The following PRMT7 variants were observed in gnomAD, a reference collection of about 807,000 sequenced individuals.
PRMT7 encodes protein arginine methyltransferase 7.
A neutral mutation model predicts 85.4 loss-of-function variants in PRMT7; 75 were observed. The ratio of observed to expected loss-of-function variants is 0.88; its 90% CI spans 0.73 to 1.06. The LOEUF is 1.06. Ranked by LOEUF, PRMT7 falls within the 50% of genes least tolerant of loss-of-function variation. The pLI is 0.00. For missense variants in PRMT7, 868 were observed against 915.2 expected (o/e 0.95, Z 0.67); for synonymous variants, 397 against 359.5 (o/e 1.10, Z -1.18).
intron 10 of PRMT7, 77 bp downstream of exon 10, chr16:68,345,879 A>C (rs2086282651): frequency 6.3e-7 from 1 of 1,585,702 alleles, no homozygotes; most frequent in African/African-American, 1.3e-5. Context: ...GATCCTCTGG[A>C]GGTGCCAGTG....
intron 6 of PRMT7, among the ~76,000 whole-genome samples, chr16:68,333,230 T>C (rs1022465250): frequency 2.0e-5 from 3 of 152,102 alleles, no homozygotes; most frequent in African/African-American, 7.2e-5. Context: ...ATGCCTGTAA[T>C]CCTAGCACTT....
chr16:68,342,683 C>T (rs909140335), intron 9 of PRMT7, among the ~76,000 whole-genome samples: 1 of 152,174 alleles, frequency 6.6e-6, no homozygotes, highest in African/African-American at 2.4e-5. Flanking sequence ...TGTCAATCAG[C>T]GTACCCATAC....
intron 14 of PRMT7, chr16:68,351,288 G>C (rs1001155808): frequency 6.6e-6 from 1 of 152,272 alleles, no homozygotes; most frequent in African/African-American, 2.4e-5. Flanking sequence ...GGCCTGCCCA[G>C]GGTCGGCTAC....
intron 3 of PRMT7, among the ~76,000 whole-genome samples, chr16:68,319,764 A>C (rs1253813142): frequency 3.8e-5 from 4 of 106,570 alleles, no homozygotes; most frequent in Non-Finnish European, 7.6e-5. Flanking sequence ...CATTTCAGGT[A>C]AGCTTTCTAG....
intron 3 of PRMT7, 146 bp downstream of exon 3, chr16:68,316,220 G>GGA: frequency 3.0e-6 from 2 of 675,220 alleles, no homozygotes; most frequent in Non-Finnish European, 2.6e-6. Flanking sequence ...GGTCTGCTCA[G>GGA]CCAGGTAGGT....
chr16:68,318,144 T>A (rs1393651256), intron 3 of PRMT7, among the ~76,000 whole-genome samples: 1 of 152,094 alleles, frequency 6.6e-6, no homozygotes, highest in Non-Finnish European at 1.5e-5. Flanking sequence ...AATTGTTTGA[T>A]GATTAAATGT....
At chr16:68,334,780 A>G (rs2084409045) in intron 6 of PRMT7, among the ~76,000 whole-genome samples, 1 of 152,004 alleles carries the variant, frequency 6.6e-6, no homozygotes, top group Non-Finnish European at 1.5e-5. Context: ...TGGACCATAA[A>G]GCTTGAATTT....
chr16:68,354,786 G>A (rs1461776538), intron 16 of PRMT7: 1 of 152,464 alleles, frequency 6.6e-6, no homozygotes, highest in African/African-American at 2.4e-5. Flanking sequence ...TGCTAAGGCA[G>A]ATGGCCGAGA....
At chr16:68,312,932 C>T (rs1281597748) in intron 2 of PRMT7, among the ~76,000 whole-genome samples, 1 of 152,236 alleles carries the variant, frequency 6.6e-6, no homozygotes. Context: ...TCAAGCAATT[C>T]TCCTGCCTCA....
At chr16:68,312,229 A>ATATATATATT (rs1419393129) in intron 2 of PRMT7, 53 bp downstream of exon 2, 2 of 112,694 alleles carry the variant, frequency 1.8e-5, no homozygotes, top group African/African-American at 7.4e-5. Context: ...ATATATATAT[A>ATATATATATT]TTTTTTTTTT....
intron 4 of PRMT7, 195 bp downstream of exon 4, chr16:68,321,657 A>G: frequency 1.9e-6 from 1 of 513,150 alleles, no homozygotes; most frequent in Non-Finnish European, 3.5e-6. Flanking sequence ...AGCTTTATCA[A>G]GATAGAACTG....
chr16:68,346,058 A>T, intron 10 of PRMT7, 87 bp from the exon 11 acceptor site: 5 of 1,581,150 alleles, frequency 3.2e-6, no homozygotes, highest in South Asian at 1.1e-5. Context: ...CCTCATGCCT[A>T]CTGGAGACCA....
chr16:68,322,464 C>G (rs368201819), intron 4 of PRMT7: 116 of 444,298 alleles, frequency 2.6e-4, no homozygotes, highest in African/African-American at 2.1e-3. Context: ...TCCCAAAGTG[C>G]TGGGATTATG....
intron 5 of PRMT7, among the ~76,000 whole-genome samples, chr16:68,325,684 A>G (rs2151497024): frequency 6.6e-6 from 1 of 152,010 alleles, no homozygotes; most frequent in South Asian, 2.1e-4. Context: ...CCAGCTACTC[A>G]GGAGGCTGAG....
intron 14 of PRMT7, among the ~76,000 whole-genome samples, chr16:68,348,643 T>C (rs943534887): frequency 7.1e-6 from 1 of 140,882 alleles, no homozygotes; most frequent in African/African-American, 2.9e-5. Flanking sequence ...TTTTTTTTTT[T>C]TTTTTTTTTT....
chr16:68,333,374 A>G (rs1305155529), intron 6 of PRMT7, among the ~76,000 whole-genome samples: 1 of 151,464 alleles, frequency 6.6e-6, no homozygotes, highest in Non-Finnish European at 1.5e-5. Flanking sequence ...CCAGCTACTG[A>G]GGAGATTGAG....
chr16:68,352,204 G>T, intron 14 of PRMT7, 44 bp from the exon 15 acceptor site: 1 of 1,598,166 alleles, frequency 6.3e-7, no homozygotes, highest in Non-Finnish European at 8.5e-7. Flanking sequence ...CTCCTGGACC[G>T]AGCCCTACTG....
At chr16:68,324,635 C>T in intron 4 of PRMT7, 48 bp from the exon 5 acceptor site, 1 of 1,606,854 alleles carries the variant, frequency 6.2e-7, no homozygotes, top group Non-Finnish European at 8.5e-7. Context: ...AGCACCTTTC[C>T]ACTTACTTAT....
At chr16:68,353,425 G>T (rs1234115388) in intron 15 of PRMT7, 67 bp from the exon 16 acceptor site, 1 of 1,603,812 alleles carries the variant, frequency 6.2e-7, no homozygotes, top group Non-Finnish European at 8.5e-7. Context: ...TGTGCCTCTT[G>T]TTCTTGCTGC....
Sources: gnomAD v4.1 joint callset for allele counts (sites outside exome capture counted in the v4.1 genomes callset) on GRCh38, gnomAD v4.1.1 for gene constraint, MANE v1.5 for transcripts, NCBI Gene and HGNC (gene_info 2026-07-23, HGNC 2026-07-21) for gene names.